CDH18: variants seen among roughly 807,000 people sequenced by gnomAD.
The protein encoded by CDH18 is cadherin 18, also known as cadherin-18.
A neutral mutation model predicts 67.9 loss-of-function variants in CDH18; 31 were observed. That is an observed-to-expected ratio of 0.46 (90% CI 0.34 to 0.62). The LOEUF (loss-of-function observed/expected upper bound fraction) is 0.62, where lower values mean the gene tolerates loss of function less well. Among genes scored for constraint, CDH18 ranks in the 20% least tolerant of loss-of-function variants. The pLI is 0.01. For missense variants in CDH18, 890 were observed against 975.5 expected (o/e 0.91, Z 1.17); for synonymous variants, 362 against 347.2 (o/e 1.04, Z -0.48).
chr5:20,431,068 A>G (rs1580983577), intron 1 of CDH18, among the ~76,000 whole-genome samples: 2 of 152,308 alleles, frequency 1.3e-5, no homozygotes, highest in East Asian at 3.9e-4. Context: ...AATCTATTTT[A>G]TAGTGAAATC....
In CDH18 at chr5:19,787,809, TTATATA is replaced by T. The variant is rs35850823; in HGVS notation, c.229-40579_229-40574del. On this transcript the variant is annotated intron_variant, in intron 3 of 12. Transcript: ENST00000382275. Reference sequence around the variant, plus strand: ...TCCAATGAATAGCAGTAATTTACAGTTATATATATATATATATATGTTTACATGTAT... The same window carrying T: ...TCCAATGAATAGCAGTAATTTACAGTTATATATATATATGTTTACATGTAT... 4.2e-5 allele frequency among the ~76,000 whole-genome samples: 6 copies of T among 144,400 alleles called. No individual in the cohort carries two copies. The Admixed American group carries it at 4.2e-4, about 10-fold the overall frequency. The allele number at this position is 144,400 out of a possible 152,430, so 94.7% of individuals were successfully genotyped here.
intron 3 of CDH18, among the ~76,000 whole-genome samples, chr5:19,768,606 G>C (rs1036874965): frequency 1.3e-5 from 2 of 152,008 alleles, no homozygotes; most frequent in Non-Finnish European, 2.9e-5. Flanking sequence ...ATTGGTTCCA[G>C]ATATTTAAAA....
intron 2 of CDH18, among the ~76,000 whole-genome samples, chr5:19,952,261 G>T (rs1230798520): frequency 6.6e-6 from 1 of 152,120 alleles, no homozygotes; most frequent in Non-Finnish European, 1.5e-5. Context: ...GTGTTAGCCA[G>T]GATGGTCTCA....
At chr5:19,532,528 A>G (rs934671046) in intron 9 of CDH18, among the ~76,000 whole-genome samples, 8 of 152,174 alleles carry the variant, frequency 5.3e-5, no homozygotes, top group Non-Finnish European at 1.5e-5. Context: ...TTCATTCATT[A>G]TGAGTGTCAT....
intron 1 of CDH18, among the ~76,000 whole-genome samples, chr5:20,423,085 G>A (rs868188358): frequency 4.5e-4 from 68 of 151,178 alleles, no homozygotes; most frequent in South Asian, 6.2e-4. Context: ...AAAGCAAGTG[G>A]TGATATTCCA....
At chr5:19,617,032 A>G (rs778917911) in intron 5 of CDH18, among the ~76,000 whole-genome samples, 26 of 152,324 alleles carry the variant, frequency 1.7e-4, no homozygotes, top group Non-Finnish European at 2.5e-4. Flanking sequence ...ATTTGGGGTT[A>G]GGAATTCAAC....
At chr5:19,726,107 T>C (rs574693557) in intron 4 of CDH18, among the ~76,000 whole-genome samples, 25 of 152,282 alleles carry the variant, frequency 1.6e-4, no homozygotes, top group African/African-American at 4.3e-4. Flanking sequence ...TCTGTTTAGC[T>C]TGGGGTGTCT....
intron 1 of CDH18, among the ~76,000 whole-genome samples, chr5:20,515,367 A>G (rs1389496420): frequency 6.6e-6 from 1 of 151,834 alleles, no homozygotes; most frequent in Non-Finnish European, 1.5e-5. Context: ...CCTGTACGCT[A>G]CAAAAAACAA....
chr5:19,823,124 C>T (rs2149956851), intron 3 of CDH18, among the ~76,000 whole-genome samples: 1 of 152,334 alleles, frequency 6.6e-6, no homozygotes, highest in South Asian at 2.1e-4. Flanking sequence ...GTTCCCTGAA[C>T]ATTGCTGTTA....
intron 1 of CDH18, among the ~76,000 whole-genome samples, chr5:20,362,038 A>T (rs1054241867): frequency 6.6e-6 from 1 of 152,172 alleles, no homozygotes; most frequent in Non-Finnish European, 1.5e-5. Flanking sequence ...TGCATATTTG[A>T]TAACCTAATA....
intron 1 of CDH18, among the ~76,000 whole-genome samples, chr5:20,387,322 T>C (rs1412320662): frequency 6.6e-6 from 1 of 152,178 alleles, no homozygotes; most frequent in East Asian, 1.9e-4. Context: ...TTATTCTCTT[T>C]GAAGCAACTG....
intron 10 of CDH18, among the ~76,000 whole-genome samples, chr5:19,510,361 C>A (rs1042242699): frequency 6.6e-6 from 1 of 152,050 alleles, no homozygotes. Flanking sequence ...AATGTGGATG[C>A]CACAAGCTAC....
chr5:20,432,619 T>C (rs1374242404), intron 1 of CDH18, among the ~76,000 whole-genome samples: 1 of 152,114 alleles, frequency 6.6e-6, no homozygotes, highest in African/African-American at 2.4e-5. Flanking sequence ...TCTCCTGGGC[T>C]CACTGATGGC....
chr5:20,540,823 G>A (rs1757011744), intron 1 of CDH18, among the ~76,000 whole-genome samples: 1 of 152,182 alleles, frequency 6.6e-6, no homozygotes, highest in Non-Finnish European at 1.5e-5. Flanking sequence ...TTCCATCTGA[G>A]GATAATTCCC....
intron 1 of CDH18, among the ~76,000 whole-genome samples, chr5:20,473,399 G>A (rs1752223862): frequency 6.6e-6 from 1 of 151,308 alleles, no homozygotes; most frequent in Non-Finnish European, 1.5e-5. Context: ...TTATACTTGA[G>A]TGGGTATTTT....
intron 1 of CDH18, among the ~76,000 whole-genome samples, chr5:20,435,464 A>G (rs1749097143): frequency 1.3e-5 from 2 of 152,106 alleles, no homozygotes; most frequent in Non-Finnish European, 2.9e-5. Flanking sequence ...TATGCCCCCA[A>G]CCTCAGGCCT....
intron 2 of CDH18, among the ~76,000 whole-genome samples, chr5:20,025,450 G>A (rs1226179427): frequency 1.3e-5 from 2 of 151,828 alleles, no homozygotes; most frequent in Non-Finnish European, 2.9e-5. Context: ...TAATTCTACT[G>A]TTTTTTTATA....
chr5:20,114,703 G>A (rs1007744278), intron 2 of CDH18, among the ~76,000 whole-genome samples: 3 of 152,148 alleles, frequency 2.0e-5, no homozygotes, highest in East Asian at 3.9e-4. Flanking sequence ...ATGGTAGGCT[G>A]TGTCAGCCTG....
chr5:20,455,713 TTA>T (rs1339909853), intron 1 of CDH18, among the ~76,000 whole-genome samples: 5 of 152,100 alleles, frequency 3.3e-5, no homozygotes, highest in Non-Finnish European at 7.4e-5. Flanking sequence ...TTTTTTATAT[TTA>T]TGATACTAAA....
Sources: allele counts gnomAD v4.1 joint callset (sites outside exome capture counted in the v4.1 genomes callset), GRCh38; gene constraint gnomAD v4.1.1; transcripts MANE v1.5; gene names NCBI Gene and HGNC (gene_info 2026-07-23, HGNC 2026-07-21).